TENM3: variants seen among roughly 807,000 people sequenced by gnomAD.
TENM3 encodes teneurin-3.
A neutral mutation model predicts 255.1 loss-of-function variants in TENM3; 63 were observed. That is an observed-to-expected ratio of 0.25 (90% CI 0.20 to 0.30). The LOEUF (loss-of-function observed/expected upper bound fraction) is 0.30. Among genes scored for constraint, TENM3 ranks in the 10% least tolerant of loss-of-function variants. TENM3 has a pLI of 1.00. For missense variants in TENM3, 2,929 were observed against 3,461.1 expected (o/e 0.85, Z 3.86); for synonymous variants, 1,306 against 1,322.3 (o/e 0.99, Z 0.27).
At chr4:181,669,100 G>GA in the TENM3 span, among the ~76,000 whole-genome samples, 3 of 151,866 alleles carry the variant, frequency 2.0e-5, no homozygotes, top group Admixed American at 6.6e-5. Flanking sequence ...GACAATATCT[G>GA]AAAAAAAATT....
the TENM3 span, among the ~76,000 whole-genome samples, chr4:182,080,674 C>T: frequency 5.9e-5 from 9 of 152,160 alleles, no homozygotes; most frequent in African/African-American, 1.9e-4. Context: ...TGGCCGCTCT[C>T]GTGTAATGAC....
the TENM3 span, among the ~76,000 whole-genome samples, chr4:181,924,212 G>T: frequency 6.6e-5 from 10 of 152,176 alleles, no homozygotes; most frequent in Non-Finnish European, 1.3e-4. Context: ...CAAACCCACT[G>T]TGCATATAGC....
intron 1 of TENM3, among the ~76,000 whole-genome samples, chr4:182,308,247 C>T (rs1762246608): frequency 1.3e-5 from 2 of 152,318 alleles, no homozygotes; most frequent in South Asian, 4.1e-4. Flanking sequence ...CAGCAGATGA[C>T]CCGATGCCTG....
intron 4 of TENM3, among the ~76,000 whole-genome samples, chr4:182,621,638 TATAATACA>T: frequency 1.5e-5 from 1 of 67,836 alleles, no homozygotes; most frequent in Admixed American, 1.7e-4. Flanking sequence ...ATATATAATA[TATAATACA>T]TATTATAATA....
At chr4:181,733,642 A>G in the TENM3 span, among the ~76,000 whole-genome samples, 2 of 152,188 alleles carry the variant, frequency 1.3e-5, no homozygotes, top group East Asian at 3.9e-4. Flanking sequence ...TGTAGAAGGC[A>G]GAAAAAGACT....
chr4:181,960,594 A>T, the TENM3 span, among the ~76,000 whole-genome samples: 2 of 152,182 alleles, frequency 1.3e-5, no homozygotes, highest in African/African-American at 2.4e-5. Flanking sequence ...TCAACTGAGC[A>T]TGGAAACTCA....
At chr4:182,387,309 T>G (rs1180681131) in intron 3 of TENM3, among the ~76,000 whole-genome samples, 1 of 152,254 alleles carries the variant, frequency 6.6e-6, no homozygotes, top group African/African-American at 2.4e-5. Context: ...TGGTGGGGCC[T>G]TGGAGAACCT....
At chr4:181,969,370 G>A in the TENM3 span, among the ~76,000 whole-genome samples, 37 of 152,218 alleles carry the variant, frequency 2.4e-4, no homozygotes, top group African/African-American at 8.2e-4. Flanking sequence ...TCTATGTTGC[G>A]ACATCAGTCA....
the TENM3 span, among the ~76,000 whole-genome samples, chr4:181,748,246 C>G: frequency 3.9e-5 from 6 of 152,062 alleles, no homozygotes; most frequent in Non-Finnish European, 2.9e-5. Flanking sequence ...TATCTTTGCA[C>G]TACATAATCT....
At chr4:181,589,565 T>C in the TENM3 span, among the ~76,000 whole-genome samples, 2 of 152,062 alleles carry the variant, frequency 1.3e-5, no homozygotes, top group Non-Finnish European at 2.9e-5. Flanking sequence ...GGGGGCAAAA[T>C]TTTACCTCTA....
chr4:182,216,005 A>T (rs1456466038), intron 1 of TENM3, among the ~76,000 whole-genome samples: 1 of 152,204 alleles, frequency 6.6e-6, no homozygotes, highest in Non-Finnish European at 1.5e-5. Context: ...GTGGTCTCAA[A>T]GTTTATGGAG....
At chr4:182,731,201 G>C in intron 16 of TENM3, 62 bp downstream of exon 16, 2 of 1,554,550 alleles carry the variant, frequency 1.3e-6, no homozygotes, top group Non-Finnish European at 1.8e-6. Context: ...TTTTGCCAGA[G>C]AATCTTAAAA....
the TENM3 span, among the ~76,000 whole-genome samples, chr4:181,821,399 A>C: frequency 1.3e-5 from 2 of 152,284 alleles, no homozygotes; most frequent in South Asian, 4.1e-4. Context: ...CTGCGATATA[A>C]TCCTTTGTCA....
chr4:182,709,942 T>C (rs1176928073), intron 12 of TENM3, among the ~76,000 whole-genome samples: 1 of 152,236 alleles, frequency 6.6e-6, no homozygotes, highest in Non-Finnish European at 1.5e-5. Context: ...TACTTTGCTT[T>C]CTACTTCTGA....
the TENM3 span, among the ~76,000 whole-genome samples, chr4:181,542,324 A>G: frequency 2.6e-5 from 4 of 152,334 alleles, no homozygotes; most frequent in South Asian, 8.3e-4. Flanking sequence ...AAGTTTGCAG[A>G]AACAGCATCT....
chr4:181,779,633 A>G, the TENM3 span, among the ~76,000 whole-genome samples: 4 of 150,988 alleles, frequency 2.6e-5, no homozygotes, highest in Non-Finnish European at 5.9e-5. Flanking sequence ...TGTCTAACTT[A>G]AAATATATTC....
At chr4:182,573,783 G>A (rs924090415) in intron 3 of TENM3, among the ~76,000 whole-genome samples, 2 of 152,062 alleles carry the variant, frequency 1.3e-5, no homozygotes, top group African/African-American at 4.8e-5. Flanking sequence ...TTCTCTTCCA[G>A]TTATTCCCAA....
At chr4:182,141,847 T>A (rs1361660460), upstream of TENM3, 2 of 152,146 alleles carry the variant, frequency 1.3e-5, no homozygotes, top group African/African-American at 4.8e-5. Flanking sequence ...AAAAGAAGCA[T>A]CCCCTAACTC....
intron 3 of TENM3, among the ~76,000 whole-genome samples, chr4:182,528,114 T>A (rs569211810): frequency 1.2e-3 from 188 of 152,302 alleles, no homozygotes; most frequent in Admixed American, 4.2e-3. Context: ...AGCAAGATTT[T>A]AAAAGTTTGT....
Sources: gnomAD v4.1 joint callset for allele counts (sites outside exome capture counted in the v4.1 genomes callset) on GRCh38, gnomAD v4.1.1 for gene constraint, MANE v1.5 for transcripts, NCBI Gene and HGNC (gene_info 2026-07-23, HGNC 2026-07-21) for gene names.